The following CNTN4 variants were observed in gnomAD, a reference collection of about 807,000 sequenced individuals.
CNTN4 encodes contactin-4.
Under a neutral mutation model 122.5 loss-of-function variants are expected in CNTN4, and 77 were observed. That is an observed-to-expected ratio of 0.63 (90% confidence interval 0.52 to 0.76). The LOEUF (loss-of-function observed/expected upper bound fraction) is 0.76. CNTN4 is among the 30% of genes least tolerant of loss of function. The probability of loss-of-function intolerance (pLI) is 0.00; values close to 1 mark genes in which losing one functional copy is unlikely to be tolerated. For synonymous variants in CNTN4, 512 were observed against 447.0 expected (o/e 1.15, Z -1.83); for missense variants, 1,256 against 1,259.1 (o/e 1.00, Z 0.04).
chr3:2,869,985 A>G (rs2093766761), intron 8 of CNTN4, among the ~76,000 whole-genome samples: 2 of 152,180 alleles, frequency 1.3e-5, no homozygotes, highest in South Asian at 4.1e-4. Context: ...TTCTACCCAA[A>G]TGCACTTAGG....
chr3:2,842,916 T>A (rs1287840732), intron 7 of CNTN4, among the ~76,000 whole-genome samples: 1 of 152,146 alleles, frequency 6.6e-6, no homozygotes, highest in East Asian at 1.9e-4. Context: ...AAAGTATAAG[T>A]GTCCTCAGGC....
At chr3:2,313,357 A>G (rs1325433117) in intron 2 of CNTN4, among the ~76,000 whole-genome samples, 1 of 152,096 alleles carries the variant, frequency 6.6e-6, no homozygotes, top group African/African-American at 2.4e-5. Context: ...GTTTAAAAAC[A>G]TTAATAAACA....
At chr3:3,036,994 A>G (rs1436469129) in intron 17 of CNTN4, among the ~76,000 whole-genome samples, 185 bp from the exon 18 acceptor site, 1 of 152,174 alleles carries the variant, frequency 6.6e-6, no homozygotes, top group Non-Finnish European at 1.5e-5. Flanking sequence ...TTAGTTTAAC[A>G]TACAGAGATA....
At chr3:2,591,858 T>C (rs1157122373) in intron 4 of CNTN4, among the ~76,000 whole-genome samples, 1 of 152,110 alleles carries the variant, frequency 6.6e-6, no homozygotes, top group Non-Finnish European at 1.5e-5. Context: ...GAAGCAATCA[T>C]TGAAAGGTTT....
rs963178486 is a variant in CNTN4, at chr3:2,396,820, C to G, written c.-89+57587C>G. On this transcript the variant is annotated intron_variant, in intron 3 of 24. Coordinates refer to ENST00000418658, the MANE Select transcript of CNTN4 (RefSeq NM_175607.3). Reference sequence around the variant, plus strand: ...CTGATATGGCATCAGCTCCTCAGAACCCAATATAAATGCAAAAGCCTCACC... The same window carrying G: ...CTGATATGGCATCAGCTCCTCAGAAGCCAATATAAATGCAAAAGCCTCACC... Among the ~76,000 whole-genome samples the G allele has an allele frequency of 3.3e-5, 5 of 152,166 alleles. No homozygotes were observed. The East Asian group carries it at 9.7e-4, about 29-fold the overall frequency.
chr3:2,509,576 G>A (rs1301953012), intron 3 of CNTN4, among the ~76,000 whole-genome samples: 1 of 152,146 alleles, frequency 6.6e-6, no homozygotes, highest in Admixed American at 6.6e-5. Context: ...TACTTGAGTT[G>A]ATAATGGGCA....
At chr3:2,262,242 A>T (rs1255963113) in intron 2 of CNTN4, 1 of 152,172 alleles carries the variant, frequency 6.6e-6, no homozygotes, top group Non-Finnish European at 1.5e-5. Flanking sequence ...ATTTTTCCAG[A>T]TAATTTCTCC....
chr3:2,866,869 A>G lies in CNTN4; in HGVS notation c.572A>G (p.Asn191Ser). ...IAKVEKSDVG[N>S]YTCVVTNTVT... Reference sequence around the variant, plus strand: ...AAAGTAGAAAAATCAGATGTTGGGAATTATACCTGTGTGGTTACCAATACC... The same window carrying G: ...AAAGTAGAAAAATCAGATGTTGGGAGTTATACCTGTGTGGTTACCAATACC... The change falls in exon 8 of 25, where the codon AAT (asparagine) becomes AGT (serine). Residue 191 changes from asparagine to serine, a missense_variant. By Grantham distance (46) the Asn-to-Ser change is conservative. Coordinates refer to ENST00000418658, the MANE Select transcript of CNTN4 (RefSeq NM_175607.3). 1 of 1,614,074 alleles carries G rather than the reference A, an allele frequency of 6.2e-7. No individual in the cohort carries two copies. The highest frequency in any genetic ancestry group is 1.3e-5 in the African/African-American group (1 of 75,048).
chr3:3,042,209 G>C, intron 20 of CNTN4, 101 bp from the exon 21 acceptor site: 2 of 890,938 alleles, frequency 2.2e-6, no homozygotes, highest in Non-Finnish European at 3.7e-6. Context: ...CATTAAGGAC[G>C]ATTCTATAAC....
intron 2 of CNTN4, among the ~76,000 whole-genome samples, chr3:2,227,600 G>A (rs1029754358): frequency 3.9e-5 from 6 of 152,034 alleles, no homozygotes; most frequent in African/African-American, 7.2e-5. Context: ...TTAATGCTGC[G>A]GCACAGATTG....
intron 4 of CNTN4, among the ~76,000 whole-genome samples, chr3:2,712,234 A>C (rs2087194141): frequency 6.6e-6 from 1 of 152,232 alleles, no homozygotes; most frequent in South Asian, 2.1e-4. Flanking sequence ...GTATCTGTTA[A>C]AGAGGTGAAA....
chr3:2,708,574 T>G (rs986217267), intron 4 of CNTN4, among the ~76,000 whole-genome samples: 1 of 152,222 alleles, frequency 6.6e-6, no homozygotes, highest in Non-Finnish European at 1.5e-5. Flanking sequence ...CCCATTGGTA[T>G]GGGACTGAGG....
chr3:2,712,201 A>T (rs183566806), intron 4 of CNTN4, among the ~76,000 whole-genome samples: 2 of 152,338 alleles, frequency 1.3e-5, no homozygotes, highest in African/African-American at 4.8e-5. Context: ...AATTGCAAAA[A>T]CTTGGAAGGG....
At chr3:2,111,361 A>T (rs2032942639) in intron 2 of CNTN4, among the ~76,000 whole-genome samples, 1 of 152,146 alleles carries the variant, frequency 6.6e-6, no homozygotes, top group Non-Finnish European at 1.5e-5. Flanking sequence ...TCAGAGAAGA[A>T]CCTTTTCCTG....
intron 3 of CNTN4, among the ~76,000 whole-genome samples, chr3:2,538,687 A>G (rs2077910004): frequency 6.6e-6 from 1 of 151,944 alleles, no homozygotes; most frequent in Non-Finnish European, 1.5e-5. Context: ...ATTTCATGTT[A>G]TTATAAAGTT....
At chr3:2,357,916 C>T (rs573187604) in intron 3 of CNTN4, among the ~76,000 whole-genome samples, 1 of 152,272 alleles carries the variant, frequency 6.6e-6, no homozygotes, top group African/African-American at 2.4e-5. Context: ...CTACAGAATA[C>T]ATCCTATTTC....
At chr3:2,238,288 T>C (rs1490270417) in intron 2 of CNTN4, among the ~76,000 whole-genome samples, 1 of 152,226 alleles carries the variant, frequency 6.6e-6, no homozygotes, top group South Asian at 2.1e-4. Context: ...CTTTTCCTTA[T>C]GAATTATGGA....
intron 3 of CNTN4, among the ~76,000 whole-genome samples, chr3:2,380,305 C>G (rs925623755): frequency 1.4e-4 from 22 of 152,142 alleles, no homozygotes; most frequent in Non-Finnish European, 5.9e-5. Context: ...GGGTTTGCAT[C>G]TCTGTTGTTA....
chr3:2,193,456 A>T (rs907416582), intron 2 of CNTN4, among the ~76,000 whole-genome samples: 1 of 152,200 alleles, frequency 6.6e-6, no homozygotes, highest in African/African-American at 2.4e-5. Flanking sequence ...GGAAGAAAAA[A>T]ATGCTGGAAA....
Sources: gnomAD v4.1 joint callset for allele counts (sites outside exome capture counted in the v4.1 genomes callset) on GRCh38, gnomAD v4.1.1 for gene constraint, MANE v1.5 for transcripts, NCBI Gene and HGNC (gene_info 2026-07-23, HGNC 2026-07-21) for gene names.